The following CRTC1 variants were observed in gnomAD, a reference collection of about 807,000 sequenced individuals.
The protein encoded by CRTC1 is CREB regulated transcription coactivator 1.
CRTC1 carries 18 observed loss-of-function variants against 66.1 expected under a neutral mutation model. The ratio of observed to expected loss-of-function variants is 0.27; its 90% CI spans 0.19 to 0.40. CRTC1 has a LOEUF of 0.40. Ranked by LOEUF, CRTC1 falls within the 10% of genes least tolerant of loss-of-function variation. The pLI is 1.00. For missense variants in CRTC1, 669 were observed against 887.9 expected (o/e 0.75, Z 3.13); for synonymous variants, 416 against 398.8 (o/e 1.04, Z -0.51).
At chr19:18,759,474 C>A in intron 6 of CRTC1, 77 bp from the exon 7 acceptor site, 1 of 1,467,398 alleles carries the variant, frequency 6.8e-7, no homozygotes, top group Non-Finnish European at 9.4e-7. Flanking sequence ...TCAGCCGTTT[C>A]AAGGAGGCCC....
At chr19:18,759,234 A>C (rs2054559640) in intron 6 of CRTC1, among the ~76,000 whole-genome samples, 1 of 152,162 alleles carries the variant, frequency 6.6e-6, no homozygotes, top group Non-Finnish European at 1.5e-5. Context: ...AAAAAGATCC[A>C]CATGCCATGT....
chr19:18,737,165 C>T (rs746507636), intron 1 of CRTC1, among the ~76,000 whole-genome samples: 13 of 151,086 alleles, frequency 8.6e-5, no homozygotes, highest in Non-Finnish European at 1.2e-4. Context: ...CAGAGGTGGG[C>T]GTTCTCCAGG....
intron 1 of CRTC1, among the ~76,000 whole-genome samples, chr19:18,734,372 TA>T (rs1017280423): frequency 2.0e-5 from 3 of 150,998 alleles, no homozygotes; most frequent in East Asian, 1.9e-4. Flanking sequence ...TGTAAAAGAT[TA>T]AAAAAAAATA....
intron 1 of CRTC1, among the ~76,000 whole-genome samples, chr19:18,684,410 T>C (rs1427233243): frequency 1.3e-5 from 2 of 152,094 alleles, no homozygotes; most frequent in Non-Finnish European, 2.9e-5. Flanking sequence ...CATGGTTACC[T>C]GTGCCTTTAC....
intron 1 of CRTC1, among the ~76,000 whole-genome samples, chr19:18,728,815 C>CTTTTTTTTTTTTTTTT (rs35465891): frequency 8.8e-5 from 7 of 79,378 alleles, no homozygotes; most frequent in African/African-American, 3.5e-4. Flanking sequence ...CTCACCTGGC[C>CTTTTTTTTTTTTTTTT]TTTTTTTTTT....
intron 6 of CRTC1, among the ~76,000 whole-genome samples, chr19:18,755,235 C>T (rs2054457704): frequency 1.3e-5 from 2 of 152,000 alleles, no homozygotes; most frequent in Non-Finnish European, 1.5e-5. Flanking sequence ...GTGATCTGCC[C>T]GCCTTGGCCT....
intron 1 of CRTC1, among the ~76,000 whole-genome samples, chr19:18,703,456 C>T (rs911148898): frequency 2.6e-5 from 4 of 152,050 alleles, no homozygotes; most frequent in Admixed American, 6.6e-5. Context: ...TTTATTTATG[C>T]ATTTATTTAT....
chr19:18,710,113 G>T (rs904416597), intron 1 of CRTC1, among the ~76,000 whole-genome samples: 17 of 151,488 alleles, frequency 1.1e-4, no homozygotes, highest in African/African-American at 3.9e-4. Context: ...GGGGCCTCCT[G>T]CCTGGAGTGC....
intron 1 of CRTC1, among the ~76,000 whole-genome samples, chr19:18,701,930 T>G (rs982550642): frequency 2.7e-5 from 4 of 150,294 alleles, no homozygotes; most frequent in Non-Finnish European, 4.4e-5. Context: ...TTGTTTTTTT[T>G]TTTTTTTTTT....
intron 8 of CRTC1, 115 bp from the exon 9 acceptor site, chr19:18,765,289 G>C (rs1233006904): frequency 9.8e-6 from 14 of 1,433,310 alleles, no homozygotes; most frequent in Non-Finnish European, 1.3e-5. Flanking sequence ...ATGTCCATGG[G>C]CTTCTGTCTG....
chr19:18,683,698 A>G lies in CRTC1; in HGVS notation c.-5A>G. The G allele has an allele frequency of 1.4e-6, 2 of 1,390,606 alleles. No individual in the cohort carries two copies. The highest frequency in any genetic ancestry group is 1.9e-6 in the Non-Finnish European group (2 of 1,047,190). The allele number at this position is 1,390,606 out of a possible 1,614,324, so 86.1% of individuals were successfully genotyped here. A position where few individuals can be genotyped will look rare whatever the true frequency, so the allele number is the denominator to read the frequency against. On this transcript the variant is annotated 5_prime_UTR_variant, in exon 1 of 14. Transcript: ENST00000321949. ...GGAGGAGGAGGAGGAGGTGGCGGCG[A>G]GAAGATGGCGACTTCGAACAATCCG...
chr19:18,691,997 GCC>G (rs2052851925), intron 1 of CRTC1, among the ~76,000 whole-genome samples: 5 of 152,086 alleles, frequency 3.3e-5, no homozygotes, highest in Non-Finnish European at 7.3e-5. Context: ...ACAGGTGTGA[GCC>G]ACCGCGCTCG....
In CRTC1 at chr19:18,781,857, C is replaced by T. The variant is rs1027347804; in HGVS notation, c.*4475C>T. ...AGGGACAGGTGGCATGTGTTGGGGT[C>T]GGGGGATGGCCCCCATCTCGAAGTG... On this transcript the variant is annotated 3_prime_UTR_variant, in exon 14 of 14. Coordinates refer to ENST00000321949, the MANE Select transcript of CRTC1 (RefSeq NM_015321.3). 14 of 230,340 alleles carry T rather than the reference C, an allele frequency of 6.1e-5. No individual in the cohort carries two copies. The highest frequency in any genetic ancestry group is 8.6e-5 in the Non-Finnish European group (10 of 116,314). 14.3% of individuals were successfully genotyped at this position (230,340 alleles called of 1,614,324 possible). A position where few individuals can be genotyped will look rare whatever the true frequency, so the allele number is the denominator to read the frequency against.
chr19:18,747,726 C>T (rs183057092), intron 4 of CRTC1, among the ~76,000 whole-genome samples: 18 of 152,202 alleles, frequency 1.2e-4, no homozygotes, highest in African/African-American at 2.9e-4. Flanking sequence ...CCATGTTACT[C>T]AACAGCCATT....
chr19:18,691,933 G>A (rs965274444), intron 1 of CRTC1, among the ~76,000 whole-genome samples: 1 of 151,954 alleles, frequency 6.6e-6, no homozygotes, highest in Non-Finnish European at 1.5e-5. Flanking sequence ...GGCCGATCTC[G>A]AACTCCTGGC....
intron 1 of CRTC1, among the ~76,000 whole-genome samples, chr19:18,738,890 C>T (rs1245603984): frequency 2.6e-5 from 4 of 152,210 alleles, no homozygotes; most frequent in African/African-American, 9.6e-5. Flanking sequence ...TGGGGATGCC[C>T]CTCTAAGGAG....
In CRTC1 at chr19:18,779,158, C is replaced by T; in HGVS notation, c.*1776C>T. On this transcript the variant is annotated 3_prime_UTR_variant, in exon 14 of 14. Coordinates refer to ENST00000321949, the MANE Select transcript of CRTC1 (RefSeq NM_015321.3). ...TCGCTCCTGCCTGCCGGGACAGCGC[C>T]TTCTGCTGAGTCCGTTTATTTGTAG... is the stretch of plus-strand genomic sequence containing the variant. 4.3e-6 allele frequency: 1 copy of T among 232,762 alleles called. No homozygotes were observed. Among genetic ancestry groups the T allele is most frequent in the Non-Finnish European group, 8.5e-6 (1 of 117,750 alleles). The allele number at this position is 232,762 out of a possible 1,614,324, so 14.4% of individuals were successfully genotyped here. A position where few individuals can be genotyped will look rare whatever the true frequency, so the allele number is the denominator to read the frequency against.
At chr19:18,710,855 G>A (rs1332231798) in intron 1 of CRTC1, among the ~76,000 whole-genome samples, 1 of 152,112 alleles carries the variant, frequency 6.6e-6, no homozygotes, top group African/African-American at 2.4e-5. Context: ...GACCTCAAGC[G>A]ATCCACAGCC....
At position 18,760,268 on chromosome 19, in the gene CRTC1, T is replaced by TC; in HGVS notation, c.886+40_886+41insC. On this transcript the variant is annotated intron_variant, in intron 8 of 13. Coordinates refer to ENST00000321949, the MANE Select transcript of CRTC1 (RefSeq NM_015321.3). The surrounding 1 kb of genome is among the most constrained non-coding windows in gnomAD (Gnocchi z 6.2). ...CTCCGCCCTCGGACAGAGCACTGGC[T>TC]TGTGGAGACAACACGGGCATCTGCA... 6.8e-7 allele frequency: 1 copy of TC among 1,476,118 alleles called. No homozygotes were observed. Among genetic ancestry groups the TC allele is most frequent in the Non-Finnish European group, 9.2e-7 (1 of 1,085,632 alleles). The allele number at this position is 1,476,118 out of a possible 1,614,324, so 91.4% of individuals were successfully genotyped here.
Sources: allele counts gnomAD v4.1 joint callset (sites outside exome capture counted in the v4.1 genomes callset), GRCh38; gene constraint gnomAD v4.1.1; non-coding constraint Gnocchi (gnomAD v3.1); transcripts MANE v1.5; gene names NCBI Gene and HGNC (gene_info 2026-07-23, HGNC 2026-07-21).